The following RTN4IP1 variants were observed in gnomAD, a reference collection of about 807,000 sequenced individuals.
RTN4IP1 encodes the protein NAD(P)H oxidoreductase RTN4IP1, mitochondrial.
Under a neutral mutation model 46.6 loss-of-function variants are expected in RTN4IP1, and 32 were observed. That is an observed-to-expected ratio of 0.69 (90% CI 0.52 to 0.92). RTN4IP1 has a LOEUF of 0.92. RTN4IP1 is among the 40% of genes least tolerant of loss of function. RTN4IP1 has a pLI of 0.00. For synonymous variants in RTN4IP1, 167 were observed against 161.8 expected, an observed-to-expected ratio of 1.03 and a Z score of -0.24; for missense variants, 424 against 485.8, an observed-to-expected ratio of 0.87 and a Z score of 1.20.
At chr6:106,613,717 G>A (rs1294209490) in intron 4 of RTN4IP1, among the ~76,000 whole-genome samples, 1 of 152,110 alleles carries the variant, frequency 6.6e-6, no homozygotes, top group Non-Finnish European at 1.5e-5. Context: ...GGAGGTTGCA[G>A]GCCTCATTAT....
chr6:106,592,373 AT>A (rs1448890024), intron 5 of RTN4IP1, 73 bp from the exon 6 acceptor site: 6 of 1,482,370 alleles, frequency 4.0e-6, no homozygotes, highest in Non-Finnish European at 5.5e-6. Context: ...TGAAAAAAAA[AT>A]CATTGGCACC....
At chr6:106,575,315 G>A (rs1775197605) in intron 8 of RTN4IP1, among the ~76,000 whole-genome samples, 1 of 152,212 alleles carries the variant, frequency 6.6e-6, no homozygotes, top group Non-Finnish European at 1.5e-5. Flanking sequence ...CCCTCATTCA[G>A]TCTTGGATTC....
chr6:106,599,694 T>C (rs1775894452), intron 5 of RTN4IP1, among the ~76,000 whole-genome samples: 1 of 152,136 alleles, frequency 6.6e-6, no homozygotes, highest in African/African-American at 2.4e-5. Context: ...CATTTTACTG[T>C]TGATGGACAT....
At chr6:106,578,880 C>T (rs142091848) in intron 8 of RTN4IP1, among the ~76,000 whole-genome samples, 1 of 151,850 alleles carries the variant, frequency 6.6e-6, no homozygotes, top group Admixed American at 6.6e-5. Flanking sequence ...TTAGGCTTTG[C>T]AGGCTTCACA....
chr6:106,596,650 C>A (rs1018099872), intron 5 of RTN4IP1, among the ~76,000 whole-genome samples: 10 of 152,184 alleles, frequency 6.6e-5, no homozygotes, highest in African/African-American at 2.4e-4. Context: ...ACACTCTCTC[C>A]TTCTAAGCCC....
chr6:106,622,746 G>A (rs543731736), intron 2 of RTN4IP1, 72 bp downstream of exon 2: 209 of 1,476,852 alleles, frequency 1.4e-4, no homozygotes, highest in East Asian at 1.2e-3. Flanking sequence ...GTCAGTGTGC[G>A]TCTCTCATCC....
At chr6:106,609,599 G>A (rs17067430) in intron 4 of RTN4IP1, among the ~76,000 whole-genome samples, 21,685 of 152,136 alleles carry the variant, frequency 0.14, 1,775 homozygotes, top group African/African-American at 0.21. Flanking sequence ...CCTCAAGTGA[G>A]GGGATCGCCT....
chr6:106,573,365 G>A (rs888792559), intron 8 of RTN4IP1, among the ~76,000 whole-genome samples: 65 of 152,186 alleles, frequency 4.3e-4, no homozygotes, highest in Admixed American at 5.9e-4. Flanking sequence ...AAGTGTTTTC[G>A]TGACATTCAG....
intron 8 of RTN4IP1, among the ~76,000 whole-genome samples, chr6:106,573,005 C>A (rs1775117983): frequency 6.6e-6 from 1 of 152,218 alleles, no homozygotes; most frequent in Non-Finnish European, 1.5e-5. Context: ...TTCGAGAATA[C>A]TTGGCCCAGG....
chr6:106,594,553 A>C (rs899396293), intron 5 of RTN4IP1, among the ~76,000 whole-genome samples: 1 of 152,054 alleles, frequency 6.6e-6, no homozygotes, highest in South Asian at 2.1e-4. Flanking sequence ...GAAAACAGCT[A>C]TAGGGTGAAC....
chr6:106,606,297 T>C (rs532146574), intron 4 of RTN4IP1, among the ~76,000 whole-genome samples: 5 of 152,134 alleles, frequency 3.3e-5, no homozygotes, highest in East Asian at 1.9e-4. Context: ...CACACGCTTG[T>C]AGTCCTAGCT....
Position 106,571,635 on chromosome 6 carries a change from G to A in RTN4IP1, c.*361C>T, listed in dbSNP as rs966906603. 9.5e-6 allele frequency: 2 copies of A among 209,794 alleles called. No individual in the cohort carries two copies. Among genetic ancestry groups the A allele is most frequent in the Admixed American group, 1.1e-4 (2 of 18,068 alleles). The allele number at this position is 209,794 out of a possible 1,614,324, so 13.0% of individuals were successfully genotyped here. ...AATCGCTTAAGGTCAAGGCTGCAGT[G>A]AGCTGTGATTGTGCCACTGCACTCC... is the stretch of plus-strand genomic sequence containing the variant. On this transcript the variant is annotated 3_prime_UTR_variant, in exon 9 of 9. Coordinates refer to ENST00000369063, the MANE Select transcript of RTN4IP1 (RefSeq NM_032730.5).
chr6:106,593,905 T>C (rs1461014133), intron 5 of RTN4IP1, among the ~76,000 whole-genome samples: 1 of 152,202 alleles, frequency 6.6e-6, no homozygotes, highest in East Asian at 1.9e-4. Context: ...TAATCCAAGA[T>C]GAATAGCTCA....
At chr6:106,624,191 G>A (rs2114683729) in intron 1 of RTN4IP1, among the ~76,000 whole-genome samples, 1 of 152,164 alleles carries the variant, frequency 6.6e-6, no homozygotes, top group South Asian at 2.1e-4. Context: ...GAGTAGCTGG[G>A]ACTACAGGCA....
chr6:106,600,005 A>T (rs1398789019), intron 5 of RTN4IP1, among the ~76,000 whole-genome samples: 5 of 151,734 alleles, frequency 3.3e-5, no homozygotes, highest in African/African-American at 1.2e-4. Flanking sequence ...TATGTATTCA[A>T]CTCATATTTA....
At chr6:106,606,996 A>C (rs2883075) in intron 4 of RTN4IP1, among the ~76,000 whole-genome samples, 3 of 151,950 alleles carry the variant, frequency 2.0e-5, no homozygotes, top group Non-Finnish European at 2.9e-5. Context: ...CCTGACTTCA[A>C]ACTATACCAC....
chr6:106,630,380 CTT>C (rs3040692), upstream of RTN4IP1, among the ~76,000 whole-genome samples: 9,809 of 152,276 alleles, frequency 0.064, 353 homozygotes, highest in Middle Eastern at 0.085. Context: ...TTAATAGACT[CTT>C]TTTAATGGCA....
chr6:106,580,046 C>CTA (rs1289231851), intron 8 of RTN4IP1, among the ~76,000 whole-genome samples: 1 of 151,756 alleles, frequency 6.6e-6, no homozygotes, highest in African/African-American at 2.4e-5. Flanking sequence ...AACCCCATCT[C>CTA]TACTAAAGAT....
chr6:106,588,141 G>A (rs1273453120), intron 6 of RTN4IP1, among the ~76,000 whole-genome samples: 1 of 152,178 alleles, frequency 6.6e-6, no homozygotes, highest in Non-Finnish European at 1.5e-5. Context: ...GCTTCAGCAA[G>A]TAGTTCTGAA....
Sources: allele counts gnomAD v4.1 joint callset (sites outside exome capture counted in the v4.1 genomes callset), GRCh38; gene constraint gnomAD v4.1.1; transcripts MANE v1.5; gene names NCBI Gene and HGNC (gene_info 2026-07-23, HGNC 2026-07-21).